Variants in TEX52 observed in about 807,000 individuals in gnomAD.
TEX52 encodes testis-expressed protein 52.
TEX52 carries 22 observed loss-of-function variants against 17.6 expected under a neutral mutation model. That is an observed-to-expected ratio of 1.25 (90% confidence interval 0.89 to 1.78). The LOEUF (loss-of-function observed/expected upper bound fraction) is 1.78. TEX52 is among the 40% of genes most tolerant of loss of function. The pLI is 0.00. For missense variants in TEX52, 396 were observed against 372.3 expected, an observed-to-expected ratio of 1.06 and a Z score of -0.52; for synonymous variants, 168 against 147.4, an observed-to-expected ratio of 1.14 and a Z score of -1.01.
At chr12:2,848,875 A>ACG (rs528373473), downstream of TEX52, among the ~76,000 whole-genome samples, 1,177 of 116,804 alleles carry the variant, frequency 0.01, 10 homozygotes, top group Middle Eastern at 0.049. Context: ...AGACACACAC[A>ACG]CGCACACACA....
At position 2,849,357 on chromosome 12, in the gene TEX52, C is replaced by T. The variant is rs1384053883; in HGVS notation, c.792G>A (p.Gln264=). Reference sequence around the variant, plus strand: ...GGGTTTGGAAATCCCTTATGAGGTCCTGGCTCAGGGGCGCGCTGGGCAGCA... The same window carrying T: ...GGGTTTGGAAATCCCTTATGAGGTCTTGGCTCAGGGGCGCGCTGGGCAGCA... The part of the protein sequence containing the change: ...LALLPSAPLS[Q]DLIRDFQTLI... Residue 264 remains glutamine, a synonymous_variant, in exon 3 of 3, where the codon CAG becomes CAA. Coordinates refer to ENST00000637658, the MANE Select transcript of TEX52 (RefSeq NM_001365174.2). The T allele has an allele frequency of 9.1e-6, 14 of 1,536,136 alleles. No individual in the cohort carries two copies. The highest frequency in any genetic ancestry group is 3.9e-5 in the Admixed American group (2 of 50,988).
intron 2 of TEX52, among the ~76,000 whole-genome samples, chr12:2,851,774 G>A (rs550211823): frequency 2.0e-5 from 3 of 150,168 alleles, no homozygotes; most frequent in African/African-American, 7.3e-5. Context: ...CACCTCCCGG[G>A]TTCAAGTGAT....
At position 2,849,166 on chromosome 12, in the gene TEX52, G is replaced by C; in HGVS notation, c.*65C>G. On this transcript the variant is annotated 3_prime_UTR_variant, in exon 3 of 3. Transcript: ENST00000637658. The stretch of plus-strand genomic sequence containing the variant: ...TACCCCAGGGCCTCTTGCTGAAGGA[G>C]CATTGATTGAGAACACTGGAGCCTG... 1 of 1,450,014 alleles carries C rather than the reference G, an allele frequency of 6.9e-7. No individual in the cohort carries two copies. Among genetic ancestry groups the C allele is most frequent in the East Asian group, 2.5e-5 (1 of 40,398 alleles). The allele number at this position is 1,450,014 out of a possible 1,614,324, so 89.8% of individuals were successfully genotyped here. A position where few individuals can be genotyped will look rare whatever the true frequency, so the allele number is the denominator to read the frequency against.
rs1239180515 is a variant in TEX52, at chr12:2,855,294, G to A, written c.225C>T (p.Ser75=). ...GGTGGATGAGCCGCTGACGCACCTT[G>A]GACTTCATATCTGTGCAGGGCGGCA... is the stretch of plus-strand genomic sequence containing the variant. ...LKLPPCTDMK[S]KVRQRLIHPW... is the part of the protein sequence containing the mutation. Residue 75 remains serine (S), a synonymous_variant, in exon 2 of 3, where the codon TCC becomes TCT. Transcript: ENST00000637658. 6.6e-7 allele frequency: 1 copy of A among 1,524,636 alleles called. No individual in the cohort carries two copies. Among genetic ancestry groups the A allele is most frequent in the South Asian group, 1.2e-5 (1 of 83,702 alleles). The allele number at this position is 1,524,636 out of a possible 1,614,324, so 94.4% of individuals were successfully genotyped here.
intron 2 of TEX52, among the ~76,000 whole-genome samples, chr12:2,852,732 C>T (rs1049962726): frequency 1.4e-4 from 21 of 151,582 alleles, no homozygotes; most frequent in Middle Eastern, 3.4e-3. Flanking sequence ...AGGCCGGGCA[C>T]GGTGGCTCAC....
intron 1 of TEX52, 108 bp downstream of exon 1, chr12:2,856,847 T>C (rs970327378): frequency 2.7e-5 from 18 of 674,106 alleles, no homozygotes; most frequent in South Asian, 1.5e-5. Context: ...AGAAAATGTA[T>C]GGGCCAGGCA....
At chr12:2,854,301 AG>A (rs2098080510) in intron 2 of TEX52, among the ~76,000 whole-genome samples, 1 of 152,228 alleles carries the variant, frequency 6.6e-6, no homozygotes. Flanking sequence ...CTGGGATTAC[AG>A]GCGTGAGCCA....
intron 1 of TEX52, among the ~76,000 whole-genome samples, chr12:2,856,606 G>A (rs981631470): frequency 1.2e-4 from 19 of 152,132 alleles, no homozygotes; most frequent in African/African-American, 3.1e-4. Flanking sequence ...CAGGTGAACC[G>A]TTCCCCTCGA....
At chr12:2,850,475 C>CAAAA (rs1275655927) in intron 2 of TEX52, among the ~76,000 whole-genome samples, 31 of 70,672 alleles carry the variant, frequency 4.4e-4, no homozygotes, top group African/African-American at 1.4e-3. Context: ...GACTCTGTCT[C>CAAAA]AAAAAAAAAA....
chr12:2,849,521 G>A lies in TEX52; in HGVS notation c.628C>T (p.Arg210Trp), dbSNP rs1383011555. 23 of 1,536,018 alleles carry A rather than the reference G, an allele frequency of 1.5e-5. No individual in the cohort carries two copies. Among genetic ancestry groups the A allele is most frequent in the South Asian group, 2.4e-5 (2 of 84,044 alleles). Residue 210 changes from arginine to tryptophan, a missense_variant, in exon 3 of 3, where the codon CGG (arginine) becomes TGG (tryptophan). Transcript: ENST00000637658. ...IQPPASFKKY[R>W]HISAGGRFEP... ...AACCTCCCACCAGCGGATATGTGCCGGTACCTGTTGGGAGAAGGGTATGGA... is the reference window on the plus strand; with the variant it reads ...AACCTCCCACCAGCGGATATGTGCCAGTACCTGTTGGGAGAAGGGTATGGA...
intron 2 of TEX52, among the ~76,000 whole-genome samples, chr12:2,849,917 C>CTGCGGTATT (rs1295951947): frequency 2.0e-5 from 3 of 152,224 alleles, no homozygotes; most frequent in Non-Finnish European, 4.4e-5. Context: ...CTCAGTAAGC[C>CTGCGGTATT]TGCGGTATTG....
chr12:2,850,290 A>G (rs1410084292), intron 2 of TEX52, among the ~76,000 whole-genome samples: 1 of 152,098 alleles, frequency 6.6e-6, no homozygotes, highest in Non-Finnish European at 1.5e-5. Context: ...CCTGGCCGAC[A>G]TGATGAAACT....
At chr12:2,852,070 A>G (rs540886793) in intron 2 of TEX52, among the ~76,000 whole-genome samples, 1 of 152,316 alleles carries the variant, frequency 6.6e-6, no homozygotes, top group Admixed American at 6.5e-5. Flanking sequence ...TAGCTCCATT[A>G]TAATCTTATG....
At chr12:2,849,984 G>C (rs1356861425) in intron 2 of TEX52, among the ~76,000 whole-genome samples, 1 of 152,184 alleles carries the variant, frequency 6.6e-6, no homozygotes, top group Non-Finnish European at 1.5e-5. Context: ...ATAGTGGCCA[G>C]TTTTCTATGA....
chr12:2,850,421 T>C (rs2098066216), intron 2 of TEX52, among the ~76,000 whole-genome samples: 1 of 140,200 alleles, frequency 7.1e-6, no homozygotes, highest in Non-Finnish European at 1.5e-5. Context: ...TTGCAAGCAG[T>C]GAGCCCAGAT....
chr12:2,855,312 G>A lies in TEX52; in HGVS notation c.207C>T (p.Pro69=). Residue 69 remains proline (P), a synonymous_variant, in exon 2 of 3, where the codon CCC becomes CCT. Coordinates refer to ENST00000637658, the MANE Select transcript of TEX52 (RefSeq NM_001365174.2). The stretch of plus-strand genomic sequence containing the variant: ...GCACCTTGGACTTCATATCTGTGCA[G>A]GGCGGCAGCTTCAGAGCCAGCTGGT... ...AYHQLALKLP[P]CTDMKSKVRQ... is the part of the protein sequence containing the mutation. The A allele has an allele frequency of 6.5e-7, 1 of 1,532,416 alleles. No individual in the cohort carries two copies. The highest frequency in any genetic ancestry group is 8.7e-7 in the Non-Finnish European group (1 of 1,144,056). The allele number at this position is 1,532,416 out of a possible 1,614,324, so 94.9% of individuals were successfully genotyped here.
intron 2 of TEX52, among the ~76,000 whole-genome samples, chr12:2,851,341 A>G (rs2098070241): frequency 6.6e-6 from 1 of 151,998 alleles, no homozygotes; most frequent in Admixed American, 6.6e-5. Context: ...TGGTGACACT[A>G]AATTTATTTA....
Position 2,849,245 on chromosome 12 carries a change from GTCT to G in TEX52, c.901_903del (p.Arg301del), listed in dbSNP as rs1189261490. 23 of 1,535,810 alleles carry G rather than the reference GTCT, an allele frequency of 1.5e-5. No homozygotes were observed. Among genetic ancestry groups the G allele is most frequent in the Non-Finnish European group, 2.0e-5 (23 of 1,146,876 alleles). ...TGGAAGCCCTTCTAGAAGTGTCCAG[GTCT>G]TCTCTTCCTCTTCCTTGCTGGGGAT... On this transcript the variant is annotated inframe_deletion, in exon 3 of 3. Coordinates refer to ENST00000637658, the MANE Select transcript of TEX52 (RefSeq NM_001365174.2).
chr12:2,854,729 C>G (rs921890985), intron 2 of TEX52, among the ~76,000 whole-genome samples, 167 bp downstream of exon 2: 64 of 152,128 alleles, frequency 4.2e-4, no homozygotes, highest in African/African-American at 1.5e-3. Flanking sequence ...CGCTGTTCCT[C>G]CCTTGTCTCC....
Sources: allele counts gnomAD v4.1 joint callset (sites outside exome capture counted in the v4.1 genomes callset), GRCh38; gene constraint gnomAD v4.1.1; transcripts MANE v1.5; gene names NCBI Gene and HGNC (gene_info 2026-07-23, HGNC 2026-07-21).